RNLS: variants seen among roughly 807,000 people sequenced by gnomAD.
RNLS encodes the protein renalase, FAD dependent amine oxidase, also known as renalase.
Under a neutral mutation model 39.8 loss-of-function variants are expected in RNLS, and 39 were observed. The observed-to-expected ratio is 0.98, with a 90% confidence interval of 0.76 to 1.28. The LOEUF (loss-of-function observed/expected upper bound fraction) is 1.28, where lower values mean the gene tolerates loss of function less well. Among genes scored for constraint, RNLS ranks in the 50% most tolerant of loss-of-function variants. The pLI, the probability that RNLS is intolerant of heterozygous loss-of-function variation, is 0.00. For synonymous variants in RNLS, 147 were observed against 150.7 expected, an observed-to-expected ratio of 0.98 and a Z score of 0.18; for missense variants, 410 against 413.3, an observed-to-expected ratio of 0.99 and a Z score of 0.07.
chr10:88,418,326 C>G (rs779326629), intron 4 of RNLS, among the ~76,000 whole-genome samples: 1 of 152,154 alleles, frequency 6.6e-6, no homozygotes, highest in Non-Finnish European at 1.5e-5. Flanking sequence ...TCCTCAGTCA[C>G]TCAGATGTAT....
intron 4 of RNLS, among the ~76,000 whole-genome samples, chr10:88,384,621 T>C (rs1327453917): frequency 6.6e-6 from 1 of 152,214 alleles, no homozygotes; most frequent in African/African-American, 2.4e-5. Flanking sequence ...AATTACTATA[T>C]AGAAAGCACT....
chr10:88,217,176 C>T, the RNLS span, among the ~76,000 whole-genome samples: 1 of 152,122 alleles, frequency 6.6e-6, no homozygotes, highest in Admixed American at 6.5e-5. Flanking sequence ...CTGGGCGGCA[C>T]TCTCAAGATA....
chr10:88,577,898 A>C (rs376275610), intron 3 of RNLS, among the ~76,000 whole-genome samples: 114 of 152,292 alleles, frequency 7.5e-4, no homozygotes, highest in African/African-American at 2.5e-3. Context: ...ACCTATTCTA[A>C]AGCATGCCTG....
chr10:88,392,778 T>C (rs1852285727), intron 4 of RNLS, among the ~76,000 whole-genome samples: 1 of 152,278 alleles, frequency 6.6e-6, no homozygotes. Context: ...ATGGCACACA[T>C]GCAGTACAAA....
intron 4 of RNLS, among the ~76,000 whole-genome samples, chr10:88,511,101 A>T (rs1039280313): frequency 6.6e-6 from 1 of 151,852 alleles, no homozygotes; most frequent in African/African-American, 2.4e-5. Context: ...ACGAGGGAGA[A>T]ATCTATTCTA....
At chr10:88,328,265 T>C (rs1052815579) in intron 5 of RNLS, among the ~76,000 whole-genome samples, 1 of 129,910 alleles carries the variant, frequency 7.7e-6, no homozygotes, top group Non-Finnish European at 1.7e-5. Context: ...ATAGTTCTCA[T>C]GAATTGCATT....
At position 88,377,237 on chromosome 10, in the gene RNLS, CAT is replaced by C. The variant is rs374418131; in HGVS notation, c.527-14514_527-14513del. 1.4e-3 allele frequency among the ~76,000 whole-genome samples: 78 copies of C among 55,726 alleles called. 1 individual carries two copies. Among genetic ancestry groups the C allele is most frequent in the East Asian group, 6.5e-3 (12 of 1,842 alleles). The allele number at this position is 55,726 out of a possible 152,430, so 36.6% of individuals were successfully genotyped here. A position where few individuals can be genotyped will look rare whatever the true frequency, so the allele number is the denominator to read the frequency against. On this transcript the variant is annotated intron_variant, in intron 4 of 6. Transcript: ENST00000331772. ...CACACATTATCTCCACATACACACA[CAT>C]ATACACACACACACACACACGCACA...
intron 6 of RNLS, among the ~76,000 whole-genome samples, chr10:88,294,220 T>C (rs1843897458): frequency 6.6e-6 from 1 of 152,210 alleles, no homozygotes; most frequent in Non-Finnish European, 1.5e-5. Flanking sequence ...ATCACATGCC[T>C]GTTTACACAC....
intron 3 of RNLS, among the ~76,000 whole-genome samples, chr10:88,578,752 CA>C (rs936937484): frequency 7.2e-5 from 11 of 152,036 alleles, no homozygotes; most frequent in Admixed American, 3.9e-4. Context: ...GCTTAAAAAG[CA>C]AAATTGGAAG....
intron 4 of RNLS, among the ~76,000 whole-genome samples, chr10:88,470,402 T>C (rs1589848543): frequency 6.6e-6 from 1 of 152,168 alleles, no homozygotes; most frequent in Non-Finnish European, 1.5e-5. Flanking sequence ...GAAAATGTGG[T>C]ACATAAGTTC....
rs557672539 is a variant in RNLS at position 88,535,320 on chromosome 10, G to C, written c.526+37583C>G. On this transcript the variant is annotated intron_variant, in intron 4 of 6. Transcript: ENST00000331772. ...AGAGGAGGGTAGTGAACAAAGCAGA[G>C]ATAAAATCAGGTTGACTGAAACCAA... Among the ~76,000 whole-genome samples the C allele has an allele frequency of 3.5e-4, 53 of 152,064 alleles. 1 individual carries two copies. Among genetic ancestry groups the C allele is most frequent in the Middle Eastern group, 3.4e-3 (1 of 292 alleles).
the RNLS span, among the ~76,000 whole-genome samples, chr10:88,253,526 G>A: frequency 2.6e-5 from 4 of 152,202 alleles, no homozygotes; most frequent in Admixed American, 6.5e-5. Flanking sequence ...TCTATAGGAC[G>A]TCTGTAGGGC....
intron 5 of RNLS, among the ~76,000 whole-genome samples, chr10:88,348,073 C>A (rs2133263596): frequency 6.6e-6 from 1 of 152,252 alleles, no homozygotes; most frequent in African/African-American, 2.4e-5. Context: ...CGCCAGTTCC[C>A]ACCTGTGACC....
the RNLS span, among the ~76,000 whole-genome samples, chr10:88,206,495 C>T: frequency 1.3e-5 from 2 of 152,074 alleles, no homozygotes; most frequent in Non-Finnish European, 2.9e-5. Context: ...CTTTTGAAAT[C>T]GTCTTTTGAG....
At chr10:88,209,743 A>T in the RNLS span, among the ~76,000 whole-genome samples, 1 of 152,214 alleles carries the variant, frequency 6.6e-6, no homozygotes, top group Non-Finnish European at 1.5e-5. Context: ...GACTGATTTT[A>T]TCTTTTAGAT....
chr10:88,437,808 G>A (rs1339490171), intron 4 of RNLS, among the ~76,000 whole-genome samples: 1 of 152,030 alleles, frequency 6.6e-6, no homozygotes, highest in Non-Finnish European at 1.5e-5. Context: ...GGTGCTTCTG[G>A]GAAAGGTTTC....
chr10:88,279,325 A>G (rs560112514), downstream of RNLS, among the ~76,000 whole-genome samples: 6 of 152,310 alleles, frequency 3.9e-5, no homozygotes, highest in African/African-American at 1.4e-4. Context: ...TACTATTATA[A>G]TAGTAATAAT....
intron 4 of RNLS, among the ~76,000 whole-genome samples, chr10:88,550,220 G>A (rs991830295): frequency 1.2e-4 from 19 of 152,134 alleles, no homozygotes; most frequent in Admixed American, 2.6e-4. Flanking sequence ...AGACATTAAA[G>A]ATATTATAGT....
the RNLS span, among the ~76,000 whole-genome samples, chr10:88,207,012 G>T: frequency 6.6e-6 from 1 of 152,032 alleles, no homozygotes; most frequent in Non-Finnish European, 1.5e-5. Context: ...AATGTGTTTT[G>T]TTTTGGCCTA....
Sources: gnomAD v4.1 joint callset for allele counts (sites outside exome capture counted in the v4.1 genomes callset) on GRCh38, gnomAD v4.1.1 for gene constraint, MANE v1.5 for transcripts, NCBI Gene and HGNC (gene_info 2026-07-23, HGNC 2026-07-21) for gene names.